The following NRG3 variants were observed in gnomAD, a reference collection of about 807,000 sequenced individuals.
The protein encoded by NRG3 is neuregulin 3.
In NRG3, 31 loss-of-function variants were observed where a neutral mutation model predicts 66.9. That is an observed-to-expected ratio of 0.46 (90% CI 0.35 to 0.63). The LOEUF is 0.63. Ranked by LOEUF, NRG3 falls within the 20% of genes least tolerant of loss-of-function variation. The pLI, the probability that NRG3 is intolerant of heterozygous loss-of-function variation, is 0.00. For synonymous variants in NRG3, 393 were observed against 359.4 expected, an observed-to-expected ratio of 1.09 and a Z score of -1.06; for missense variants, 910 against 878.9, an observed-to-expected ratio of 1.04 and a Z score of -0.45.
chr10:82,256,345 C>T (rs1441868667), intron 1 of NRG3, among the ~76,000 whole-genome samples: 1 of 152,140 alleles, frequency 6.6e-6, no homozygotes, highest in Non-Finnish European at 1.5e-5. Context: ...AAATCGATGC[C>T]TTTGTTGTTG....
At chr10:82,589,115 T>G (rs1487708350) in intron 2 of NRG3, among the ~76,000 whole-genome samples, 2 of 152,122 alleles carry the variant, frequency 1.3e-5, no homozygotes, top group Non-Finnish European at 2.9e-5. Flanking sequence ...TCTGTCAGTC[T>G]CCCTTAACTC....
At position 82,776,218 on chromosome 10, in the gene NRG3, T is replaced by G. The variant is rs370199151; in HGVS notation, c.1027+37568T>G. The stretch of plus-strand genomic sequence containing the variant: ...GGCTATACCATTTTAGGTTGGCAGT[T>G]TTCTTCTTTCAGCACTTTGACTATC... On this transcript the variant is annotated intron_variant, in intron 3 of 8. Transcript: ENST00000372141. Among the ~76,000 whole-genome samples the G allele has an allele frequency of 6.6e-5, 10 of 152,266 alleles. No homozygotes were observed. In the East Asian group the frequency reaches 1.3e-3, roughly 21 times the overall value.
chr10:82,824,283 G>C (rs953360813), intron 3 of NRG3, among the ~76,000 whole-genome samples: 1 of 152,114 alleles, frequency 6.6e-6, no homozygotes, highest in African/African-American at 2.4e-5. Context: ...CAACTGATGG[G>C]CATCTTTCCT....
intron 2 of NRG3, among the ~76,000 whole-genome samples, chr10:82,550,567 A>G (rs1476023937): frequency 6.6e-6 from 1 of 152,100 alleles, no homozygotes; most frequent in Non-Finnish European, 1.5e-5. Context: ...GCACCTCTCT[A>G]ACTTAATTGG....
At chr10:82,199,151 G>C (rs2074625974) in intron 1 of NRG3, among the ~76,000 whole-genome samples, 1 of 141,916 alleles carries the variant, frequency 7.0e-6, no homozygotes, top group Non-Finnish European at 1.5e-5. Flanking sequence ...CAGCTTGGGT[G>C]ACAGAGTGAG....
At chr10:82,291,182 C>T in intron 1 of NRG3, among the ~76,000 whole-genome samples, 1 of 151,716 alleles carries the variant, frequency 6.6e-6, no homozygotes, top group South Asian at 2.1e-4. Context: ...ACGCACGCAC[C>T]AGTCACATTT....
At chr10:82,468,236 C>T (rs1317751564) in intron 2 of NRG3, among the ~76,000 whole-genome samples, 1 of 152,164 alleles carries the variant, frequency 6.6e-6, no homozygotes, top group Non-Finnish European at 1.5e-5. Context: ...CGCTGGATTC[C>T]CCAAGAAGGA....
chr10:82,095,034 A>G (rs1564556137), intron 1 of NRG3, among the ~76,000 whole-genome samples: 2 of 151,968 alleles, frequency 1.3e-5, no homozygotes, highest in African/African-American at 2.4e-5. Context: ...AATTTATACA[A>G]TTTTTTTTAA....
At chr10:82,153,894 C>A (rs1403084119) in intron 1 of NRG3, among the ~76,000 whole-genome samples, 3 of 151,546 alleles carry the variant, frequency 2.0e-5, no homozygotes, top group African/African-American at 7.3e-5. Flanking sequence ...GATCTTTATT[C>A]ACTTTTTGAT....
At chr10:82,565,317 T>A (rs575892056) in intron 2 of NRG3, among the ~76,000 whole-genome samples, 2 of 152,112 alleles carry the variant, frequency 1.3e-5, no homozygotes, top group Non-Finnish European at 2.9e-5. Flanking sequence ...GGGTTCTGAC[T>A]TGGCCTTGTA....
At chr10:82,382,202 C>T (rs1414424551) in intron 2 of NRG3, among the ~76,000 whole-genome samples, 3 of 151,962 alleles carry the variant, frequency 2.0e-5, no homozygotes, top group East Asian at 1.9e-4. Flanking sequence ...CCCATGGGAT[C>T]ATTACTATTA....
intron 2 of NRG3, among the ~76,000 whole-genome samples, chr10:82,685,408 A>T (rs1315843684): frequency 6.6e-6 from 1 of 152,162 alleles, no homozygotes; most frequent in Non-Finnish European, 1.5e-5. Flanking sequence ...GTAAAAACGA[A>T]CTAAGTACTC....
chr10:82,115,887 T>C (rs997772744), intron 1 of NRG3, among the ~76,000 whole-genome samples: 1 of 152,088 alleles, frequency 6.6e-6, no homozygotes, highest in African/African-American at 2.4e-5. Context: ...ATACAGAGCA[T>C]CCAACTCTCC....
At chr10:82,315,625 C>T (rs1412033883) in intron 1 of NRG3, among the ~76,000 whole-genome samples, 1 of 150,956 alleles carries the variant, frequency 6.6e-6, no homozygotes, top group African/African-American at 2.4e-5. Context: ...ATCTTATGAT[C>T]GTATCTCTGT....
intron 3 of NRG3, among the ~76,000 whole-genome samples, chr10:82,854,648 A>G (rs1330237284): frequency 6.6e-6 from 1 of 152,188 alleles, no homozygotes; most frequent in Non-Finnish European, 1.5e-5. Flanking sequence ...GTGCCTTGCC[A>G]CTAAATATGA....
intron 1 of NRG3, among the ~76,000 whole-genome samples, chr10:82,206,800 C>G (rs2075140941): frequency 1.3e-5 from 2 of 152,168 alleles, no homozygotes; most frequent in Non-Finnish European, 2.9e-5. Context: ...TCACTTTTAT[C>G]CCCAAAATGG....
At chr10:82,138,611 G>T (rs923139568) in intron 1 of NRG3, among the ~76,000 whole-genome samples, 1 of 152,206 alleles carries the variant, frequency 6.6e-6, no homozygotes, top group Non-Finnish European at 1.5e-5. Flanking sequence ...ACAAGGTAAA[G>T]TCCCACGATA....
chr10:82,921,908 T>A (rs2132071653), intron 4 of NRG3, among the ~76,000 whole-genome samples: 1 of 152,288 alleles, frequency 6.6e-6, no homozygotes, highest in South Asian at 2.1e-4. Context: ...AATGATCAAA[T>A]GATCTGGAAA....
chr10:82,654,798 G>A (rs2133917175), intron 2 of NRG3, among the ~76,000 whole-genome samples: 1 of 152,122 alleles, frequency 6.6e-6, no homozygotes, highest in Admixed American at 6.5e-5. Context: ...AAACATTATA[G>A]GAAATAATTC....
Sources: allele counts gnomAD v4.1 joint callset (sites outside exome capture counted in the v4.1 genomes callset), GRCh38; gene constraint gnomAD v4.1.1; transcripts MANE v1.5; gene names NCBI Gene and HGNC (gene_info 2026-07-23, HGNC 2026-07-21).